TXLNB: variants seen among roughly 807,000 people sequenced by gnomAD.
TXLNB encodes the protein taxilin beta.
Under a neutral mutation model 57.4 loss-of-function variants are expected in TXLNB, and 37 were observed. The ratio of observed to expected loss-of-function variants is 0.64; its 90% CI spans 0.50 to 0.85. The LOEUF (loss-of-function observed/expected upper bound fraction) is 0.85. Among genes scored for constraint, TXLNB ranks in the 40% least tolerant of loss-of-function variants. The probability of loss-of-function intolerance (pLI) is 0.00; values close to 1 mark genes in which losing one functional copy is unlikely to be tolerated. For missense variants in TXLNB, 848 were observed against 825.6 expected (o/e 1.03, Z -0.33); for synonymous variants, 302 against 309.6 (o/e 0.98, Z 0.26).
the TXLNB span, among the ~76,000 whole-genome samples, chr6:139,217,249 C>T: frequency 6.6e-6 from 1 of 152,098 alleles, no homozygotes; most frequent in African/African-American, 2.4e-5. Context: ...ACTTGAAAAC[C>T]TCCCTTTTGA....
chr6:139,288,287 AAC>A (rs1271673480), intron 2 of TXLNB, among the ~76,000 whole-genome samples, 187 bp downstream of exon 2: 4 of 152,200 alleles, frequency 2.6e-5, no homozygotes, highest in Admixed American at 6.5e-5. Context: ...GTCAATGGGT[AAC>A]ACACTGAAAA....
chr6:139,268,405 C>A (rs1337480043), intron 4 of TXLNB, among the ~76,000 whole-genome samples: 1 of 152,072 alleles, frequency 6.6e-6, no homozygotes, highest in Admixed American at 6.5e-5. Context: ...CTAATTGTTA[C>A]TTATAGAACA....
the TXLNB span, among the ~76,000 whole-genome samples, chr6:139,227,427 G>T: frequency 4.6e-5 from 7 of 152,046 alleles, no homozygotes; most frequent in African/African-American, 1.7e-4. Flanking sequence ...ACTGATACAT[G>T]ATGTGTGGGG....
the TXLNB span, among the ~76,000 whole-genome samples, chr6:139,228,526 CAA>C: frequency 3.4e-4 from 15 of 44,258 alleles, no homozygotes; most frequent in South Asian, 5.7e-3. Flanking sequence ...AACTCCATCT[CAA>C]AAAAAAAAAA....
the TXLNB span, among the ~76,000 whole-genome samples, chr6:139,198,641 G>A: frequency 2.0e-5 from 3 of 152,162 alleles, no homozygotes; most frequent in Non-Finnish European, 4.4e-5. Flanking sequence ...GGCCAATTGA[G>A]GTGCATGGCA....
chr6:139,309,137 T>C, the TXLNB span, among the ~76,000 whole-genome samples: 1 of 152,288 alleles, frequency 6.6e-6, no homozygotes, highest in South Asian at 2.1e-4. Context: ...CCTGGGGCAG[T>C]GATGACTGTC....
chr6:139,171,578 G>T, the TXLNB span, among the ~76,000 whole-genome samples: 2 of 152,164 alleles, frequency 1.3e-5, no homozygotes, highest in African/African-American at 4.8e-5. Context: ...TGTAAATCAT[G>T]TCTTCAATCA....
the TXLNB span, among the ~76,000 whole-genome samples, chr6:139,223,607 CA>C: frequency 6.6e-6 from 1 of 151,762 alleles, no homozygotes; most frequent in Non-Finnish European, 1.5e-5. Context: ...AAGAAAAAAA[CA>C]AACAACCCCA....
At chr6:139,292,555 CAA>C (rs749109060), upstream of TXLNB, among the ~76,000 whole-genome samples, 1 of 152,142 alleles carries the variant, frequency 6.6e-6, no homozygotes, top group Non-Finnish European at 1.5e-5. This position sits in a 1 kb window ranked among gnomAD's most constrained non-coding sequence, Gnocchi z 4.0. Context: ...GGTTTGTTTG[CAA>C]AGTTTGAAAT....
the TXLNB span, among the ~76,000 whole-genome samples, chr6:139,196,567 G>T: frequency 6.7e-6 from 1 of 148,524 alleles, no homozygotes; most frequent in South Asian, 2.1e-4. Flanking sequence ...GTAGAGATGG[G>T]ATTTCACTAT....
At chr6:139,314,697 C>G in the TXLNB span, among the ~76,000 whole-genome samples, 2 of 152,292 alleles carry the variant, frequency 1.3e-5, no homozygotes, top group Middle Eastern at 3.4e-3. Context: ...TTACTTGTAT[C>G]TGGAACAATA....
At chr6:139,224,864 C>A in the TXLNB span, among the ~76,000 whole-genome samples, 110 of 152,192 alleles carry the variant, frequency 7.2e-4, no homozygotes, top group Non-Finnish European at 7.2e-4. Flanking sequence ...TACTTCCCAA[C>A]TTATAATGAC....
Position 139,288,527 on chromosome 6 carries a change from G to C in TXLNB, c.373C>G (p.Pro125Ala). Residue 125 changes from proline (P) to alanine (A), a missense_variant, in exon 2 of 10, where the codon CCC becomes GCC. Transcript: ENST00000358430. The stretch of plus-strand genomic sequence containing the variant: ...AATTTTTGCTCCTTATTGCTGACGG[G>C]CTCTTTGACAGTGGGTGGCTCTCCA... The part of the protein sequence containing the change: ...ASGEPPTVKE[P>A]VSNKEQKLEK... 1 of 1,614,146 alleles carries C rather than the reference G, an allele frequency of 6.2e-7. No homozygotes were observed. Among genetic ancestry groups the C allele is most frequent in the East Asian group, 2.2e-5 (1 of 44,878 alleles).
chr6:139,198,517 G>GAAC, the TXLNB span, among the ~76,000 whole-genome samples: 1 of 152,008 alleles, frequency 6.6e-6, no homozygotes, highest in African/African-American at 2.4e-5. Context: ...CAGATAAGCT[G>GAAC]TTGTGTTGGT....
chr6:139,288,554 A>G lies in TXLNB; in HGVS notation c.346T>C (p.Ser116Pro), dbSNP rs1248443052. The change falls in exon 2 of 10, where the codon TCT becomes CCT. Residue 116 changes from serine (S) to proline (P), a missense_variant. Coordinates refer to ENST00000358430, the MANE Select transcript of TXLNB (RefSeq NM_153235.4). ...TCTTTGACAGTGGGTGGCTCTCCAG[A>G]AGCAACGGGTTCTCTTCCAGCCTCT... Reference protein sequence around the residue: ...TEEAGREPVASGEPPTVKEPV... With the variant: ...TEEAGREPVAPGEPPTVKEPV... The G allele has an allele frequency of 6.2e-7, 1 of 1,614,202 alleles. No individual in the cohort carries two copies.
chr6:139,165,424 A>G, the TXLNB span, among the ~76,000 whole-genome samples: 3 of 152,108 alleles, frequency 2.0e-5, no homozygotes, highest in Non-Finnish European at 4.4e-5. Flanking sequence ...ATTTAATTTC[A>G]TAGTTGACAT....
the TXLNB span, among the ~76,000 whole-genome samples, chr6:139,308,710 A>C: frequency 1.3e-5 from 2 of 152,228 alleles, no homozygotes; most frequent in African/African-American, 2.4e-5. Context: ...TTGGAGCTGA[A>C]TGTAGAAACT....
At chr6:139,319,005 C>T in the TXLNB span, among the ~76,000 whole-genome samples, 14 of 143,734 alleles carry the variant, frequency 9.7e-5, no homozygotes, top group East Asian at 4.1e-4. Flanking sequence ...TGCAATGGCG[C>T]GATCTCAGCT....
At chr6:139,239,671 C>A (rs60581437), downstream of TXLNB, 37,677 of 151,804 alleles carry the variant, frequency 0.25, 4,653 homozygotes, top group South Asian at 0.3. The surrounding 1 kb of genome is among the most constrained non-coding windows in gnomAD (Gnocchi z 4.7). Flanking sequence ...TTTTTTAAAA[C>A]ATTTTTTGTA....
Sources: gnomAD v4.1 joint callset for allele counts (sites outside exome capture counted in the v4.1 genomes callset) on GRCh38, gnomAD v4.1.1 for gene constraint, Gnocchi (gnomAD v3.1) non-coding constraint, MANE v1.5 for transcripts, NCBI Gene and HGNC (gene_info 2026-07-23, HGNC 2026-07-21) for gene names.